OR51B5: variants seen among roughly 807,000 people sequenced by gnomAD.
The protein encoded by OR51B5 is olfactory receptor 51B5.
For synonymous variants in OR51B5, 186 were observed against 144.8 expected (o/e 1.28, Z -2.04); for missense variants, 456 against 374.6 (o/e 1.22, Z -1.79).
chr11:5,411,884 G>C (rs10838057), intron 1 of OR51B5, among the ~76,000 whole-genome samples: 61,964 of 152,008 alleles, frequency 0.41, 13,571 homozygotes, highest in Non-Finnish European at 0.5. Flanking sequence ...AATGTGGTTG[G>C]CCTCTACAAG....
rs181647433 is a variant in OR51B5 at position 5,349,492 on chromosome 11, C to T, written n.85-2582G>A. ...AATGTTCTGTATTATCTTTTCCCTC[C>T]CAGCTTTATTTAGGTATATTTAAAA... On this transcript the variant is annotated intron_variant and non_coding_transcript_variant, in intron 1 of 4. Transcript: ENST00000415970. Among the ~76,000 whole-genome samples the T allele has an allele frequency of 3.7e-3, 564 of 151,784 alleles. 12 individuals carry two copies. The highest frequency in any genetic ancestry group is 0.034 in the Admixed American group (516 of 15,236).
upstream of OR51B5, chr11:5,343,611 T>C (rs1266164157): frequency 6.9e-6 from 4 of 578,374 alleles, no homozygotes; most frequent in East Asian, 2.8e-5. Context: ...TTCGACTATA[T>C]CATTCTCAGA....
At position 5,365,848 on chromosome 11, in the gene OR51B5, G is replaced by A. The variant is rs113397869; in HGVS notation, n.85-18938C>T. Among the ~76,000 whole-genome samples, 956 of 152,284 alleles carry A rather than the reference G, an allele frequency of 6.3e-3. 9 individuals are homozygous for A. Among genetic ancestry groups the A allele is most frequent in the Non-Finnish European group, 9.8e-3 (666 of 68,024 alleles). ...GTATGTGCTGGCTTGATGACAGGAT[G>A]AAGTTTAAGTTGCTAACCATTCTTA... On this transcript the variant is annotated intron_variant and non_coding_transcript_variant, in intron 1 of 4. Transcript: ENST00000415970.
At chr11:5,357,840 C>A (rs77215038) in intron 1 of OR51B5, among the ~76,000 whole-genome samples, 39,004 of 149,838 alleles carry the variant, frequency 0.26, 5,328 homozygotes, top group African/African-American at 0.3. Context: ...AAGAAACTCA[C>A]TCAAAACCGC....
rs79669964 is a variant in OR51B5 at position 5,443,511 on chromosome 11, G to GTT, written n.84+62056_84+62057dup. Among the ~76,000 whole-genome samples, 72 of 145,650 alleles carry GTT rather than the reference G, an allele frequency of 4.9e-4. No individual in the cohort carries two copies. The Middle Eastern group carries it at 0.014, about 29-fold the overall frequency. On this transcript the variant is annotated intron_variant and non_coding_transcript_variant, in intron 1 of 4. Coordinates refer to the OR51B5 transcript ENST00000415970. ...TTTTAGATCTAGCCTGTTCAGATCTGTTTTTTTTTTTTCTTTACCTTTGCT... is the reference window on the plus strand; with the variant it reads ...TTTTAGATCTAGCCTGTTCAGATCTGTTTTTTTTTTTTTTCTTTACCTTTGCT...
intron 1 of OR51B5, among the ~76,000 whole-genome samples, chr11:5,411,810 T>C (rs913363315): frequency 6.6e-6 from 1 of 152,164 alleles, no homozygotes; most frequent in African/African-American, 2.4e-5. Flanking sequence ...GAAAAGGCAA[T>C]GTCAGAAGGA....
At chr11:5,375,783 C>T (rs560186548) in intron 1 of OR51B5, among the ~76,000 whole-genome samples, 115 of 148,874 alleles carry the variant, frequency 7.7e-4, no homozygotes, top group Non-Finnish European at 1.3e-3. Context: ...TATATGCACC[C>T]AATACAGGAG....
upstream of OR51B5, among the ~76,000 whole-genome samples, chr11:5,348,076 G>C (rs1849021458): frequency 1.3e-5 from 2 of 152,116 alleles, no homozygotes; most frequent in East Asian, 1.9e-4. Context: ...GATCGAAGCT[G>C]ATTTCTTAGC....
intron 1 of OR51B5, among the ~76,000 whole-genome samples, chr11:5,442,203 A>G (rs1850699299): frequency 6.6e-6 from 1 of 152,146 alleles, no homozygotes; most frequent in Admixed American, 6.5e-5. Flanking sequence ...CATATAGTAA[A>G]CTGCAACCTT....
intron 1 of OR51B5, chr11:5,456,625 T>C (rs1436355611): frequency 1.3e-5 from 2 of 152,220 alleles, no homozygotes; most frequent in Non-Finnish European, 2.9e-5. Context: ...TGCTCAACTT[T>C]TAATTTCAGG....
upstream of OR51B5, chr11:5,343,776 T>G: frequency 2.6e-6 from 1 of 379,662 alleles, no homozygotes; most frequent in Non-Finnish European, 4.7e-6. Context: ...ACTGTTTATA[T>G]GCATTTAAGC....
intron 1 of OR51B5, among the ~76,000 whole-genome samples, chr11:5,484,711 A>T (rs147735092): frequency 1.4e-4 from 22 of 152,326 alleles, no homozygotes; most frequent in African/African-American, 5.0e-4. Context: ...AGGTTAAATG[A>T]CCTGCCCAAG....
At chr11:5,418,274 A>C (rs996441576) in intron 1 of OR51B5, among the ~76,000 whole-genome samples, 3 of 152,074 alleles carry the variant, frequency 2.0e-5, no homozygotes, top group Non-Finnish European at 4.4e-5. Context: ...GGGAGGGGGT[A>C]GGGATAGCAT....
At chr11:5,351,404 G>T (rs1052992195) in intron 1 of OR51B5, 3 of 796,342 alleles carry the variant, frequency 3.8e-6, no homozygotes, top group Non-Finnish European at 6.0e-6. Context: ...GTCAGGACTG[G>T]TGAACATCTT....
chr11:5,438,471 A>C (rs138263252), intron 1 of OR51B5, among the ~76,000 whole-genome samples: 1,666 of 152,228 alleles, frequency 0.011, 25 homozygotes, highest in African/African-American at 0.035. Context: ...GACTGGATCC[A>C]GTTTTTTCAT....
intron 1 of OR51B5, chr11:5,390,775 C>G (rs764532487): frequency 6.0e-6 from 1 of 165,510 alleles, no homozygotes; most frequent in South Asian, 1.7e-4. Flanking sequence ...AAATACACCT[C>G]CTTCCATGGT....
At chr11:5,456,240 T>C (rs1850956928) in intron 1 of OR51B5, 2 of 152,186 alleles carry the variant, frequency 1.3e-5, no homozygotes, top group African/African-American at 4.8e-5. Flanking sequence ...CAAGAAAATA[T>C]GAGCCTCCCA....
At chr11:5,467,537 T>G (rs1442418032) in intron 1 of OR51B5, among the ~76,000 whole-genome samples, 1 of 152,240 alleles carries the variant, frequency 6.6e-6, no homozygotes, top group Non-Finnish European at 1.5e-5. Flanking sequence ...CTGTTTACTC[T>G]CCAGTTAAAG....
At chr11:5,379,394 G>A (rs987982790) in intron 1 of OR51B5, among the ~76,000 whole-genome samples, 3 of 151,536 alleles carry the variant, frequency 2.0e-5, no homozygotes, top group Non-Finnish European at 4.4e-5. Flanking sequence ...ACACCAACAT[G>A]GCACATGTAT....
Sources: gnomAD v4.1 joint callset for allele counts (sites outside exome capture counted in the v4.1 genomes callset) on GRCh38, gnomAD v4.1.1 for gene constraint, MANE v1.5 for transcripts, NCBI Gene and HGNC (gene_info 2026-07-23, HGNC 2026-07-21) for gene names.